Variants in SNX7 observed in about 807,000 individuals in gnomAD.
The protein encoded by SNX7 is sorting nexin-7.
In SNX7, 35 loss-of-function variants were observed where a neutral mutation model predicts 48.4. That is an observed-to-expected ratio of 0.72 (90% CI 0.55 to 0.96). The LOEUF (loss-of-function observed/expected upper bound fraction) is 0.96, where lower values mean the gene tolerates loss of function less well. Among genes scored for constraint, SNX7 ranks in the 40% least tolerant of loss-of-function variants. The pLI is 0.00. For missense variants in SNX7, 553 were observed against 548.9 expected, an observed-to-expected ratio of 1.01 and a Z score of -0.07; for synonymous variants, 190 against 190.2, an observed-to-expected ratio of 1.00 and a Z score of 0.01.
intron 7 of SNX7, among the ~76,000 whole-genome samples, chr1:98,721,369 A>G (rs1049515952): frequency 6.6e-6 from 1 of 152,114 alleles, no homozygotes; most frequent in African/African-American, 2.4e-5. Flanking sequence ...ATTAAAGACA[A>G]TGCATAGCAG....
chr1:98,721,690 T>G (rs190117415), intron 7 of SNX7, among the ~76,000 whole-genome samples: 1 of 151,996 alleles, frequency 6.6e-6, no homozygotes. Flanking sequence ...TAACAGAAAA[T>G]TGGCCTGTGA....
At chr1:98,753,666 C>T (rs1262549277) in intron 8 of SNX7, among the ~76,000 whole-genome samples, 1 of 151,970 alleles carries the variant, frequency 6.6e-6, no homozygotes, top group Non-Finnish European at 1.5e-5. Context: ...TGTAGGGGTA[C>T]CAGATACAAG....
intron 1 of SNX7, among the ~76,000 whole-genome samples, chr1:98,678,956 G>A (rs1650325228): frequency 6.6e-6 from 1 of 152,122 alleles, no homozygotes. Flanking sequence ...TGAACACTCA[G>A]GAAAACAAAA....
At chr1:98,699,512 T>C (rs989748770) in intron 6 of SNX7, among the ~76,000 whole-genome samples, 1 of 152,210 alleles carries the variant, frequency 6.6e-6, no homozygotes, top group Non-Finnish European at 1.5e-5. Flanking sequence ...ATATTTTTCA[T>C]CCAGTATTTT....
At chr1:98,682,588 G>T (rs1201547136) in intron 1 of SNX7, among the ~76,000 whole-genome samples, 3 of 152,162 alleles carry the variant, frequency 2.0e-5, no homozygotes, top group Non-Finnish European at 4.4e-5. Flanking sequence ...AAATTTTGAA[G>T]ACATTAGTTT....
intron 7 of SNX7, among the ~76,000 whole-genome samples, chr1:98,709,239 A>G (rs148684555): frequency 1.3e-3 from 198 of 152,294 alleles, no homozygotes; most frequent in African/African-American, 4.5e-3. Context: ...CTTTCTTTGA[A>G]GTATATATTA....
chr1:98,695,459 A>G, intron 4 of SNX7, 59 bp from the exon 5 acceptor site: 1 of 1,497,206 alleles, frequency 6.7e-7, no homozygotes, highest in Non-Finnish European at 9.2e-7. Flanking sequence ...TTATTTTTGT[A>G]TTGAGTCTCG....
chr1:98,724,365 T>C (rs1653057309), intron 7 of SNX7, among the ~76,000 whole-genome samples: 1 of 151,974 alleles, frequency 6.6e-6, no homozygotes, highest in African/African-American at 2.4e-5. Context: ...TATAGTTGCT[T>C]CTGCCAGAAA....
intron 2 of SNX7, among the ~76,000 whole-genome samples, chr1:98,690,333 A>G (rs1033418003): frequency 3.3e-5 from 5 of 152,108 alleles, no homozygotes; most frequent in African/African-American, 1.2e-4. Flanking sequence ...GACTCAGGCA[A>G]TAGAAATGAG....
intron 2 of SNX7, among the ~76,000 whole-genome samples, chr1:98,689,764 A>G (rs1324958861): frequency 6.6e-6 from 1 of 152,192 alleles, no homozygotes; most frequent in Non-Finnish European, 1.5e-5. Flanking sequence ...GTGTGCATGC[A>G]TCTATTTGCA....
chr1:98,691,558 A>G lies in SNX7; in HGVS notation c.498A>G (p.Val166=), dbSNP rs1172913280. ...AGCCATTGCCAGAAAAGTTTATAGT[A>G]AAAGGAATGGTGGAACGCTTTAACG... ...IIPPLPEKFI[V]KGMVERFNDD... The change falls in exon 4 of 9, where the codon GTA becomes GTG. Residue 166 remains valine, a synonymous_variant. Transcript: ENST00000306121. 1.3e-6 allele frequency: 2 copies of G among 1,589,592 alleles called. No individual in the cohort carries two copies. The highest frequency in any genetic ancestry group is 1.4e-5 in the African/African-American group (1 of 73,192).
At chr1:98,693,102 G>T (rs1485236915) in intron 4 of SNX7, among the ~76,000 whole-genome samples, 2 of 152,066 alleles carry the variant, frequency 1.3e-5, no homozygotes, top group Admixed American at 6.5e-5. Context: ...ACTTTATTTT[G>T]AGTAATAATG....
intron 7 of SNX7, among the ~76,000 whole-genome samples, chr1:98,709,983 A>G (rs888585220): frequency 6.6e-6 from 1 of 152,200 alleles, no homozygotes; most frequent in African/African-American, 2.4e-5. Context: ...AACTAGAGGT[A>G]AAGTATTCCA....
intron 4 of SNX7, among the ~76,000 whole-genome samples, chr1:98,694,633 A>C (rs1161884099): frequency 1.2e-5 from 1 of 84,934 alleles, no homozygotes; most frequent in Admixed American, 2.0e-4. Flanking sequence ...TTTGAGATGG[A>C]GTCTCGCTCT....
chr1:98,688,670 A>C (rs1650940786), intron 2 of SNX7, among the ~76,000 whole-genome samples: 2 of 152,194 alleles, frequency 1.3e-5, no homozygotes, highest in South Asian at 4.1e-4. Context: ...TAGAGATCAC[A>C]CAAGTTCATT....
chr1:98,672,170 GTTTT>G (rs1450182006), intron 1 of SNX7, among the ~76,000 whole-genome samples: 1 of 152,050 alleles, frequency 6.6e-6, no homozygotes, highest in African/African-American at 2.4e-5. Context: ...TTACAATTAA[GTTTT>G]CTTTCTTGCT....
At chr1:98,667,174 A>G (rs981344080) in intron 1 of SNX7, among the ~76,000 whole-genome samples, 9 of 152,236 alleles carry the variant, frequency 5.9e-5, no homozygotes, top group Non-Finnish European at 1.2e-4. Context: ...TGTTTGTTAC[A>G]CAGCAGTAGT....
intron 5 of SNX7, among the ~76,000 whole-genome samples, chr1:98,698,168 G>T (rs1428710930): frequency 6.6e-6 from 1 of 152,166 alleles, no homozygotes. Flanking sequence ...GCTGATGGTG[G>T]TGGAAGTGAA....
intron 7 of SNX7, among the ~76,000 whole-genome samples, chr1:98,707,865 A>T (rs181474389): frequency 5.9e-5 from 9 of 152,274 alleles, no homozygotes; most frequent in African/African-American, 1.9e-4. Context: ...GCTGGTCCTT[A>T]TTCAGTATGA....
Sources: gnomAD v4.1 joint callset for allele counts (sites outside exome capture counted in the v4.1 genomes callset) on GRCh38, gnomAD v4.1.1 for gene constraint, MANE v1.5 for transcripts, NCBI Gene and HGNC (gene_info 2026-07-23, HGNC 2026-07-21) for gene names.